PARG: variants seen among roughly 807,000 people sequenced by gnomAD.
PARG encodes mitochondrial poly(ADP-ribose) glycohydrolase.
PARG carries 35 observed loss-of-function variants against 113.0 expected under a neutral mutation model. The ratio of observed to expected loss-of-function variants is 0.31; its 90% CI spans 0.24 to 0.41. The LOEUF is 0.41. Among genes scored for constraint, PARG ranks in the 10% least tolerant of loss-of-function variants. PARG has a pLI of 1.00. For missense variants in PARG, 797 were observed against 1,169.4 expected (o/e 0.68, Z 4.64); for synonymous variants, 330 against 409.9 (o/e 0.81, Z 2.36).
Position 49,941,828 on chromosome 10 carries a change from C to A in PARG, c.-103G>T. On this transcript the variant is annotated 5_prime_UTR_variant, in exon 1 of 18. Transcript: ENST00000616448. ...GCGCCTCCTTCTCAGCGCCTGCCTG[C>A]ACCATTCCCTCTCTGCCGCTGCCTG... 6.5e-7 allele frequency: 1 copy of A among 1,531,772 alleles called. No homozygotes were observed. Among genetic ancestry groups the A allele is most frequent in the Middle Eastern group, 1.8e-4 (1 of 5,644 alleles). 94.9% of individuals were successfully genotyped at this position (1,531,772 alleles called of 1,614,324 possible).
intron 6 of PARG, 27 bp from the exon 7 acceptor site, chr10:49,916,018 C>G (rs557817652): frequency 1.5e-6 from 2 of 1,299,580 alleles, no homozygotes; most frequent in Non-Finnish European, 2.2e-6. Flanking sequence ...AACAAAAAAA[C>G]GTCATGGTAT....
At chr10:49,938,428 C>G (rs1284485014) in intron 1 of PARG, among the ~76,000 whole-genome samples, 3 of 152,076 alleles carry the variant, frequency 2.0e-5, no homozygotes, top group Admixed American at 1.3e-4. Context: ...ATCAGCAAGT[C>G]ATTCAATTAA....
chr10:49,879,946 T>C (rs1464808070), intron 8 of PARG, 116 bp from the exon 9 acceptor site: 14 of 603,618 alleles, frequency 2.3e-5, no homozygotes, highest in Non-Finnish European at 3.0e-5. Flanking sequence ...TTTCAGGCCA[T>C]TCTTGAATCC....
chr10:49,920,495 T>TAC (rs1837773789), intron 6 of PARG, among the ~76,000 whole-genome samples: 4 of 89,400 alleles, frequency 4.5e-5, no homozygotes, highest in African/African-American at 1.4e-4. Flanking sequence ...TATATATATA[T>TAC]ATACACACAC....
chr10:49,901,936 C>G (rs1554843839), intron 7 of PARG, among the ~76,000 whole-genome samples: 1 of 152,162 alleles, frequency 6.6e-6, no homozygotes, highest in African/African-American at 2.4e-5. Flanking sequence ...TGTTCTATAT[C>G]TGTGCTGTCC....
At chr10:49,837,187 A>C (rs1554831273) in intron 15 of PARG, among the ~76,000 whole-genome samples, 1 of 152,018 alleles carries the variant, frequency 6.6e-6, no homozygotes, top group Non-Finnish European at 1.5e-5. Flanking sequence ...GCCTGGATGG[A>C]GCAGACCTTT....
At chr10:49,859,091 C>T (rs1161882294) in intron 12 of PARG, among the ~76,000 whole-genome samples, 1 of 144,834 alleles carries the variant, frequency 6.9e-6, no homozygotes, top group Non-Finnish European at 1.5e-5. Flanking sequence ...GAAAGCTTTA[C>T]AAGGGGATGT....
At chr10:49,927,641 G>A (rs551990431) in intron 4 of PARG, among the ~76,000 whole-genome samples, 200 of 152,220 alleles carry the variant, frequency 1.3e-3, no homozygotes, top group Non-Finnish European at 2.1e-3. Flanking sequence ...GGAGCCAAAG[G>A]ATGAGTATAT....
intron 7 of PARG, among the ~76,000 whole-genome samples, chr10:49,900,043 AC>A (rs1157126347): frequency 1.3e-5 from 2 of 151,490 alleles, no homozygotes; most frequent in African/African-American, 4.9e-5. Flanking sequence ...GGGCTGCTAT[AC>A]AGACACTTTG....
intron 15 of PARG, among the ~76,000 whole-genome samples, chr10:49,839,969 A>G (rs1417029283): frequency 1.3e-5 from 2 of 152,232 alleles, no homozygotes; most frequent in African/African-American, 4.8e-5. Context: ...ATTTAAAGAC[A>G]AGTCTTATTC....
chr10:49,844,650 A>G (rs1554833012), intron 13 of PARG, among the ~76,000 whole-genome samples: 1 of 151,432 alleles, frequency 6.6e-6, no homozygotes, highest in Non-Finnish European at 1.5e-5. Context: ...CACTAGAAAA[A>G]AAAAGAAAAC....
At position 49,821,599 on chromosome 10, in the gene PARG, C is replaced by CG. The variant is rs1420140727; in HGVS notation, c.2648-1307dup. Reference sequence around the variant, plus strand: ...TTCACCATGTTGGCCAGGCTGGTCTCGAACTCCTGACCTCAAGTGATCTGC... The same window carrying CG: ...TTCACCATGTTGGCCAGGCTGGTCTCGGAACTCCTGACCTCAAGTGATCTGC... On this transcript the variant is annotated intron_variant, in intron 16 of 17. Transcript: ENST00000616448. Among the ~76,000 whole-genome samples the CG allele has an allele frequency of 3.9e-5, 6 of 152,110 alleles. No homozygotes were observed. The East Asian group carries it at 9.6e-4, about 24-fold the overall frequency.
chr10:49,895,926 A>C (rs1250574031), intron 7 of PARG, among the ~76,000 whole-genome samples: 37 of 152,230 alleles, frequency 2.4e-4, no homozygotes, highest in Admixed American at 3.9e-4. Flanking sequence ...ATATAAAAAT[A>C]TAATGATTTT....
rs1311154063 is a variant in PARG, at chr10:49,896,532, G to A, written c.1738-11237C>T. ...ACTCCTAACCTCAGGTGATCCACCC[G>A]CCTTGGCCTCCCAGAGTGTTAGGAT... On this transcript the variant is annotated intron_variant, in intron 7 of 17. Coordinates refer to ENST00000616448, the MANE Select transcript of PARG (RefSeq NM_003631.5). Among the ~76,000 whole-genome samples, 6 of 152,078 alleles carry A rather than the reference G, an allele frequency of 3.9e-5. No homozygotes were observed. The East Asian group carries it at 5.8e-4, about 15-fold the overall frequency.
At chr10:49,895,457 G>A (rs1402040891) in intron 7 of PARG, among the ~76,000 whole-genome samples, 1 of 151,272 alleles carries the variant, frequency 6.6e-6, no homozygotes, top group Non-Finnish European at 1.5e-5. Flanking sequence ...AGGCTGGATT[G>A]CAATGGCATG....
At chr10:49,906,287 G>A (rs1286426370) in intron 7 of PARG, among the ~76,000 whole-genome samples, 1 of 151,872 alleles carries the variant, frequency 6.6e-6, no homozygotes, top group Non-Finnish European at 1.5e-5. Flanking sequence ...CAGCCATGTG[G>A]TTCTAAATGA....
At position 49,832,838 on chromosome 10, in the gene PARG, C is replaced by G; in HGVS notation, c.2612G>C (p.Gly871Ala). The G allele has an allele frequency of 6.5e-7, 1 of 1,550,120 alleles. No homozygotes were observed. Among genetic ancestry groups the G allele is most frequent in the Non-Finnish European group, 8.7e-7 (1 of 1,145,708 alleles). The change falls in exon 16 of 18, where the codon GGC (glycine) becomes GCC (alanine). Residue 871 changes from glycine (G) to alanine (A), a missense_variant. Around this residue, in one of 5 missense-constraint regions of PARG, gnomAD observed 194 missense variants for 247.1 expected, o/e 0.79. Transcript: ENST00000616448. ...NLSAVATGNWGCGAFGGDARL... is the reference protein window; with the variant it reads ...NLSAVATGNWACGAFGGDARL... ...GGCATCACCCCCAAAGGCACCACAG[C>G]CCCAGTTTCCTGTGGCCACTGCAGA... is the stretch of plus-strand genomic sequence containing the variant.
intron 1 of PARG, 43 bp from the exon 2 acceptor site, chr10:49,935,185 A>G: frequency 1.4e-6 from 1 of 692,336 alleles, no homozygotes; most frequent in Non-Finnish European, 2.6e-6. Context: ...TCAAATATAA[A>G]ACATATACAG....
intron 15 of PARG, among the ~76,000 whole-genome samples, chr10:49,837,894 G>C (rs1460933464): frequency 6.6e-6 from 1 of 152,042 alleles, no homozygotes; most frequent in African/African-American, 2.4e-5. Flanking sequence ...CTCACAGGTG[G>C]GGAACCCTCA....
Sources: allele counts gnomAD v4.1 joint callset (sites outside exome capture counted in the v4.1 genomes callset), GRCh38; gene constraint gnomAD v4.1.1; regional missense constraint gnomAD v4.1.1; transcripts MANE v1.5; gene names NCBI Gene and HGNC (gene_info 2026-07-23, HGNC 2026-07-21).